Variants in CALN1 observed in about 807,000 individuals in gnomAD.
CALN1 encodes the protein calneuron 1, also known as calcium-binding protein 8.
Under a neutral mutation model 30.6 loss-of-function variants are expected in CALN1, and 17 were observed. The ratio of observed to expected loss-of-function variants is 0.56; its 90% CI spans 0.38 to 0.83. The LOEUF (loss-of-function observed/expected upper bound fraction) is 0.83. CALN1 is among the 40% of genes least tolerant of loss of function. The pLI, the probability that CALN1 is intolerant of heterozygous loss-of-function variation, is 0.00. For missense variants in CALN1, 291 were observed against 354.9 expected (o/e 0.82, Z 1.45); for synonymous variants, 156 against 131.4 (o/e 1.19, Z -1.28).
intron 2 of CALN1, among the ~76,000 whole-genome samples, chr7:72,282,551 T>C (rs1797801006): frequency 6.6e-6 from 1 of 152,194 alleles, no homozygotes; most frequent in African/African-American, 2.4e-5. Flanking sequence ...AAGGCTCTTT[T>C]GTCTTTCTGC....
rs527858508 is a variant in CALN1 at position 71,903,086 on chromosome 7, G to A, written c.502-92594C>T. Among the ~76,000 whole-genome samples the A allele has an allele frequency of 7.9e-5, 12 of 151,260 alleles. No individual in the cohort carries two copies. In the South Asian group the frequency reaches 8.4e-4, roughly 11 times the overall value. On this transcript the variant is annotated intron_variant, in intron 5 of 6. Transcript: ENST00000395275. ...AAAAAAAGTAAAAAAATTACTTAACGGGTACAATATACTCTCTTCAGATTG... is the reference window on the plus strand; with the variant it reads ...AAAAAAAGTAAAAAAATTACTTAACAGGTACAATATACTCTCTTCAGATTG...
chr7:72,499,764 ACTTT>A, the CALN1 span, among the ~76,000 whole-genome samples: 288 of 140,250 alleles, frequency 2.1e-3, 3 homozygotes, highest in Middle Eastern at 4.0e-3. Flanking sequence ...CTTCCGCAAA[ACTTT>A]CTTTCTTTCC....
chr7:72,081,707 C>A (rs1353190668), intron 4 of CALN1, among the ~76,000 whole-genome samples: 2 of 151,950 alleles, frequency 1.3e-5, no homozygotes, highest in African/African-American at 4.8e-5. Context: ...CAGGTATGAG[C>A]CCTGCTAAGA....
chr7:72,460,844 T>A, the CALN1 span, among the ~76,000 whole-genome samples: 1 of 151,926 alleles, frequency 6.6e-6, no homozygotes, highest in Admixed American at 6.6e-5. Flanking sequence ...CTTTGGGAGG[T>A]GCCCCCTATA....
the CALN1 span, among the ~76,000 whole-genome samples, chr7:72,459,167 G>T: frequency 3.3e-5 from 5 of 151,964 alleles, no homozygotes; most frequent in Non-Finnish European, 5.9e-5. Context: ...GCCTCCCAAA[G>T]TGCTGGGATT....
intron 3 of CALN1, among the ~76,000 whole-genome samples, chr7:72,268,375 G>A (rs773494594): frequency 1.5e-4 from 23 of 152,162 alleles, no homozygotes; most frequent in Non-Finnish European, 3.1e-4. Context: ...CATACACTTT[G>A]TCACCAAGTC....
intron 2 of CALN1, among the ~76,000 whole-genome samples, chr7:72,380,730 T>TACATAGAC (rs967382351): frequency 1.3e-5 from 2 of 152,034 alleles, no homozygotes; most frequent in Non-Finnish European, 2.9e-5. Flanking sequence ...GATACATAGA[T>TACATAGAC]ACATAGATAG....
intron 5 of CALN1, among the ~76,000 whole-genome samples, chr7:71,969,032 G>A (rs932993453): frequency 2.6e-5 from 4 of 151,502 alleles, no homozygotes; most frequent in Non-Finnish European, 2.9e-5. Flanking sequence ...CTCGGTGACA[G>A]AGTGAGCCTC....
At chr7:72,144,664 C>T (rs189786421) in intron 3 of CALN1, among the ~76,000 whole-genome samples, 1 of 152,214 alleles carries the variant, frequency 6.6e-6, no homozygotes. Context: ...AATCAACAGA[C>T]TATACATTCT....
chr7:72,375,052 A>C (rs1804475063), intron 2 of CALN1, among the ~76,000 whole-genome samples: 2 of 152,230 alleles, frequency 1.3e-5, no homozygotes, highest in African/African-American at 4.8e-5. Context: ...AGATTGGAAA[A>C]AAAGATTGTC....
At chr7:72,000,276 C>T (rs1799461418) in intron 5 of CALN1, among the ~76,000 whole-genome samples, 1 of 151,916 alleles carries the variant, frequency 6.6e-6, no homozygotes, top group Non-Finnish European at 1.5e-5. Context: ...ATTGACACAC[C>T]TCTAGCAACA....
chr7:72,142,594 A>C (rs1248686714), intron 3 of CALN1, among the ~76,000 whole-genome samples: 29 of 152,214 alleles, frequency 1.9e-4, no homozygotes, highest in Admixed American at 1.8e-3. Flanking sequence ...CTGCAGACTT[A>C]AATGTTCCAG....
chr7:72,007,387 C>T (rs1242973988), intron 5 of CALN1, among the ~76,000 whole-genome samples: 1 of 152,008 alleles, frequency 6.6e-6, no homozygotes, highest in Admixed American at 6.6e-5. Flanking sequence ...CTCTACTAAA[C>T]ATACAAAAAA....
chr7:72,364,851 A>G (rs1019874029), intron 2 of CALN1, among the ~76,000 whole-genome samples: 1 of 152,224 alleles, frequency 6.6e-6, no homozygotes, highest in African/African-American at 2.4e-5. Flanking sequence ...CCTTGCCAAC[A>G]TAGTGAAACC....
chr7:72,386,570 A>G (rs1057477348), intron 2 of CALN1, among the ~76,000 whole-genome samples: 5 of 152,222 alleles, frequency 3.3e-5, no homozygotes, highest in Admixed American at 1.3e-4. Flanking sequence ...CCAGTAAACA[A>G]GGGGAGAATT....
intron 4 of CALN1, among the ~76,000 whole-genome samples, chr7:72,088,847 TAA>T (rs1333529939): frequency 6.6e-6 from 1 of 152,064 alleles, no homozygotes; most frequent in Non-Finnish European, 1.5e-5. Context: ...TTATGTGTGT[TAA>T]GATATTCTCA....
intron 4 of CALN1, among the ~76,000 whole-genome samples, chr7:72,058,137 A>G (rs1470933982): frequency 6.6e-6 from 1 of 152,038 alleles, no homozygotes; most frequent in East Asian, 1.9e-4. Context: ...ATATTAAATA[A>G]TCACGCCACG....
At chr7:72,277,588 A>C (rs570559075) in intron 3 of CALN1, among the ~76,000 whole-genome samples, 5 of 152,138 alleles carry the variant, frequency 3.3e-5, no homozygotes, top group Non-Finnish European at 5.9e-5. Context: ...CTGCTCATTC[A>C]TGTAAATAAG....
At chr7:72,192,619 ATTTCT>A in intron 3 of CALN1, among the ~76,000 whole-genome samples, 1 of 143,464 alleles carries the variant, frequency 7.0e-6, no homozygotes, top group East Asian at 2.0e-4. Flanking sequence ...GGGAGATCCC[ATTTCT>A]TTTATTATTA....
Sources: gnomAD v4.1 joint callset for allele counts (sites outside exome capture counted in the v4.1 genomes callset) on GRCh38, gnomAD v4.1.1 for gene constraint, MANE v1.5 for transcripts, NCBI Gene and HGNC (gene_info 2026-07-23, HGNC 2026-07-21) for gene names.